Variants in BBX observed in about 807,000 individuals in gnomAD.
BBX encodes the protein BBX high mobility group box domain containing.
Under a neutral mutation model 100.2 loss-of-function variants are expected in BBX, and 30 were observed. The ratio of observed to expected loss-of-function variants is 0.30; its 90% confidence interval spans 0.22 to 0.41. BBX has a LOEUF of 0.41. Ranked by LOEUF, BBX falls within the 10% of genes least tolerant of loss-of-function variation. The pLI is 1.00. For synonymous variants in BBX, 376 were observed against 388.1 expected, an observed-to-expected ratio of 0.97 and a Z score of 0.37; for missense variants, 1,023 against 1,129.8, an observed-to-expected ratio of 0.91 and a Z score of 1.35.
In BBX at chr3:107,585,206, C is replaced by T. The variant is rs185038512; in HGVS notation, c.-84+58808C>T. On this transcript the variant is annotated intron_variant, in intron 2 of 17. Coordinates refer to ENST00000325805, the MANE Select transcript of BBX (RefSeq NM_001142568.3). ...GCATTTAGCAATGTGTAGGCCATTG[C>T]GATGATGTGGAGAGGTGTTCTGGAG... 5.0e-3 allele frequency among the ~76,000 whole-genome samples: 762 copies of T among 151,960 alleles called. 4 individuals carry two copies. The highest frequency in any genetic ancestry group is 0.018 in the African/African-American group (728 of 41,414).
chr3:107,727,274 T>C (rs1367590555), intron 5 of BBX, among the ~76,000 whole-genome samples: 1 of 152,044 alleles, frequency 6.6e-6, no homozygotes, highest in Non-Finnish European at 1.5e-5. Flanking sequence ...CTACTTCCAT[T>C]TTCACCTCAC....
At chr3:107,796,499 A>G (rs2069686110) in intron 15 of BBX, among the ~76,000 whole-genome samples, 1 of 152,240 alleles carries the variant, frequency 6.6e-6, no homozygotes, top group Non-Finnish European at 1.5e-5. Context: ...TCCTGTAATC[A>G]GAAGGGACAG....
chr3:107,544,905 T>G (rs948374652), intron 2 of BBX, among the ~76,000 whole-genome samples: 1 of 150,450 alleles, frequency 6.6e-6, no homozygotes, highest in African/African-American at 2.4e-5. Flanking sequence ...TAGTCCCAGC[T>G]ACTCAGGAGG....
chr3:107,558,164 T>C (rs554355942), intron 2 of BBX, among the ~76,000 whole-genome samples: 1 of 152,276 alleles, frequency 6.6e-6, no homozygotes, highest in Non-Finnish European at 1.5e-5. Context: ...CTTTGGAGTG[T>C]GAATGGCACC....
chr3:107,718,445 A>G (rs1294409144), intron 5 of BBX, among the ~76,000 whole-genome samples: 1 of 151,630 alleles, frequency 6.6e-6, no homozygotes, highest in Non-Finnish European at 1.5e-5. Flanking sequence ...TTAGATTTCC[A>G]TAGCGTAACA....
In BBX at chr3:107,805,582, G is replaced by A. The variant is rs765995758; in HGVS notation, c.*125G>A. 577 of 1,538,088 alleles carry A rather than the reference G, an allele frequency of 3.8e-4. No individual in the cohort carries two copies. The highest frequency in any genetic ancestry group is 4.7e-4 in the Non-Finnish European group (538 of 1,134,610). On this transcript the variant is annotated 3_prime_UTR_variant, in exon 18 of 18. Coordinates refer to ENST00000325805, the MANE Select transcript of BBX (RefSeq NM_001142568.3). ...CAAACAAGTGCTTGTTGCCCCACAC[G>A]GCCCAGATTCACTTGAAGCAGAAGT...
chr3:107,791,439 T>C, intron 15 of BBX, 140 bp downstream of exon 15: 1 of 685,218 alleles, frequency 1.5e-6, no homozygotes, highest in Non-Finnish European at 2.4e-6. Flanking sequence ...TTATTTTTAA[T>C]TTTCACATCA....
At chr3:107,593,363 C>A (rs1055066689) in intron 2 of BBX, among the ~76,000 whole-genome samples, 1 of 152,192 alleles carries the variant, frequency 6.6e-6, no homozygotes, top group African/African-American at 2.4e-5. Flanking sequence ...AACCAAGTGC[C>A]ATGCCAGAGT....
chr3:107,537,250 T>C (rs1193682806), intron 2 of BBX, among the ~76,000 whole-genome samples: 5 of 152,206 alleles, frequency 3.3e-5, no homozygotes, highest in Non-Finnish European at 5.9e-5. Context: ...AAAGACAACA[T>C]GACTGATTGA....
rs994080566 is a variant in BBX at position 107,810,621 on chromosome 3, A to T, written c.*5164A>T. 1 of 152,198 alleles carries T rather than the reference A, an allele frequency of 6.6e-6. No individual in the cohort carries two copies. Among genetic ancestry groups the T allele is most frequent in the African/African-American group, 2.4e-5 (1 of 41,450 alleles). 9.4% of individuals were successfully genotyped at this position (152,198 alleles called of 1,614,324 possible). On this transcript the variant is annotated 3_prime_UTR_variant, in exon 18 of 18. Coordinates refer to ENST00000325805, the MANE Select transcript of BBX (RefSeq NM_001142568.3). ...GGGCTCATGTCCCCTGACTCCTCAC[A>T]TGAGTGCCTCAGCTCTAAGAGCCGT...
chr3:107,571,945 C>G (rs1200085305), intron 2 of BBX, among the ~76,000 whole-genome samples: 1 of 152,194 alleles, frequency 6.6e-6, no homozygotes, highest in Non-Finnish European at 1.5e-5. Context: ...GATTCCTTAG[C>G]TGAGTGAGGT....
At chr3:107,610,998 T>A (rs2054809155) in intron 2 of BBX, among the ~76,000 whole-genome samples, 1 of 152,070 alleles carries the variant, frequency 6.6e-6, no homozygotes, top group Admixed American at 6.5e-5. Context: ...GAATTTATTG[T>A]TTTTTATTTT....
chr3:107,661,203 G>A (rs2058428076), intron 3 of BBX, among the ~76,000 whole-genome samples: 1 of 151,996 alleles, frequency 6.6e-6, no homozygotes, highest in South Asian at 2.1e-4. Flanking sequence ...GTAATTCAGT[G>A]TCCCATAAGA....
At chr3:107,798,803 A>G in intron 16 of BBX, 83 bp downstream of exon 16, 2 of 1,313,842 alleles carry the variant, frequency 1.5e-6, no homozygotes, top group South Asian at 1.3e-5. Flanking sequence ...GTCTTGAGCC[A>G]CAATGAAATA....
chr3:107,637,353 C>T (rs9830054), intron 2 of BBX, among the ~76,000 whole-genome samples: 1 of 152,150 alleles, frequency 6.6e-6, no homozygotes, highest in Non-Finnish European at 1.5e-5. Context: ...CTGGTTTTAC[C>T]ATACTTTTCC....
intron 2 of BBX, among the ~76,000 whole-genome samples, chr3:107,532,652 G>GA (rs2048239704): frequency 6.6e-6 from 1 of 152,152 alleles, no homozygotes; most frequent in Admixed American, 6.5e-5. Context: ...GAAATGTACA[G>GA]AAAATACAGA....
intron 10 of BBX, among the ~76,000 whole-genome samples, chr3:107,769,793 A>G (rs761499300): frequency 1.3e-5 from 2 of 152,164 alleles, no homozygotes; most frequent in Non-Finnish European, 2.9e-5. Flanking sequence ...AAGTTGCTTA[A>G]CTGACTCTCA....
chr3:107,541,468 G>C (rs570007164), intron 2 of BBX, among the ~76,000 whole-genome samples: 84 of 152,234 alleles, frequency 5.5e-4, no homozygotes, highest in African/African-American at 1.9e-3. Context: ...AATTTTGGGT[G>C]TACTTAAATT....
In BBX at chr3:107,769,312, G is replaced by A. The variant is rs1196410750; in HGVS notation, c.907-3316G>A. 1.3e-5 allele frequency among the ~76,000 whole-genome samples: 2 copies of A among 152,100 alleles called. 1 individual carries two copies. The highest frequency in any genetic ancestry group is 4.1e-4 in the South Asian group (2 of 4,828). On this transcript the variant is annotated intron_variant, in intron 10 of 17. Transcript: ENST00000325805. ...TTTTCCCCAAGCTTTGTAAAGCTTT[G>A]TATCATTTACAAGTTGTGTTTGCAT...
Sources: allele counts gnomAD v4.1 joint callset (sites outside exome capture counted in the v4.1 genomes callset), GRCh38; gene constraint gnomAD v4.1.1; transcripts MANE v1.5; gene names NCBI Gene and HGNC (gene_info 2026-07-23, HGNC 2026-07-21).